The following ANKRD26 variants were observed in gnomAD, a reference collection of about 807,000 sequenced individuals.
ANKRD26 encodes ankyrin repeat domain-containing protein 26.
A neutral mutation model predicts 208.7 loss-of-function variants in ANKRD26; 141 were observed. That is an observed-to-expected ratio of 0.68 (90% CI 0.59 to 0.78). The LOEUF is 0.78. Among genes scored for constraint, ANKRD26 ranks in the 30% least tolerant of loss-of-function variants. The pLI is 0.00. For synonymous variants in ANKRD26, 636 were observed against 660.4 expected (o/e 0.96, Z 0.57); for missense variants, 1,889 against 1,938.7 (o/e 0.97, Z 0.48).
At chr10:27,000,205 G>A (rs906529793), downstream of ANKRD26, among the ~76,000 whole-genome samples, 1 of 152,198 alleles carries the variant, frequency 6.6e-6, no homozygotes, top group African/African-American at 2.4e-5. Flanking sequence ...CTGACCCACA[G>A]AAACCGAGAG....
At chr10:26,953,993 T>C in the ANKRD26 span, among the ~76,000 whole-genome samples, 1 of 152,246 alleles carries the variant, frequency 6.6e-6, no homozygotes, top group African/African-American at 2.4e-5. Flanking sequence ...ATCTAGTTAA[T>C]TCCACACAGA....
At chr10:27,014,756 G>A (rs1217309259) in intron 30 of ANKRD26, 45 bp from the exon 31 acceptor site, 2 of 1,513,374 alleles carry the variant, frequency 1.3e-6, no homozygotes, top group Non-Finnish European at 1.8e-6. Context: ...TATAACCTGA[G>A]TAAGACCATG....
At chr10:26,958,922 A>C in the ANKRD26 span, among the ~76,000 whole-genome samples, 1 of 152,178 alleles carries the variant, frequency 6.6e-6, no homozygotes, top group East Asian at 1.9e-4. Flanking sequence ...TGACACTTTC[A>C]CCAGCAGTGT....
At chr10:27,061,559 ATTTTT>A (rs11399797) in intron 12 of ANKRD26, among the ~76,000 whole-genome samples, 1 of 134,228 alleles carries the variant, frequency 7.5e-6, no homozygotes, top group African/African-American at 2.8e-5. Context: ...TGCAACATCT[ATTTTT>A]TTTTTTTTTT....
downstream of ANKRD26, among the ~76,000 whole-genome samples, chr10:26,988,233 C>T (rs1003271498): frequency 6.6e-6 from 1 of 152,142 alleles, no homozygotes; most frequent in South Asian, 2.1e-4. Flanking sequence ...TAGTGATGGA[C>T]ATTGGGAAAG....
At chr10:27,092,597 C>A (rs549200042) in intron 3 of ANKRD26, 85 bp from the exon 4 acceptor site, 2 of 987,444 alleles carry the variant, frequency 2.0e-6, no homozygotes, top group East Asian at 2.5e-5. Context: ...ATCCTTTGAA[C>A]TGAAACATAT....
Position 27,064,006 on chromosome 10 carries a change from C to T in ANKRD26, c.1345G>A (p.Gly449Arg), listed in dbSNP as rs1429884609. 1 of 1,609,422 alleles carries T rather than the reference C, an allele frequency of 6.2e-7. No homozygotes were observed. The highest frequency in any genetic ancestry group is 8.5e-7 in the Non-Finnish European group (1 of 1,178,368). ...GAADGKEKNI[G>R]NEQAEDVFYI... ...CTCTTACCTTCTGCTTGTTCATTTC[C>T]TATATTTTTTTCTTTTCCGTCTGCA... Residue 449 changes from glycine (G) to arginine (R), a missense_variant, in exon 12 of 34, where the codon GGA (glycine) becomes AGA (arginine). By Grantham distance (125) the Gly-to-Arg change is moderately radical. Around this residue, in one of 3 missense-constraint regions of ANKRD26, gnomAD observed 1,272 missense variants for 1,273.8 expected, o/e 1.00. Transcript: ENST00000376087.
downstream of ANKRD26, among the ~76,000 whole-genome samples, chr10:27,001,643 T>C (rs1482731718): frequency 6.6e-6 from 1 of 152,228 alleles, no homozygotes; most frequent in Non-Finnish European, 1.5e-5. Flanking sequence ...ATTATGCAGA[T>C]GGGTTCTCTG....
rs576070014 is a variant in ANKRD26 at position 27,081,927 on chromosome 10, A to G, written c.740+876T>C. Among the ~76,000 whole-genome samples the G allele has an allele frequency of 1.9e-3, 291 of 152,010 alleles. 2 individuals carry two copies. Among genetic ancestry groups the G allele is most frequent in the South Asian group, 4.2e-3 (20 of 4,804 alleles). ...AATTCTTTGTATTTTTAGTAGAGAC[A>G]GGGTTTCACCGTGTTAGCCAGGCTG... On this transcript the variant is annotated intron_variant, in intron 6 of 33. Coordinates refer to ENST00000376087, the MANE Select transcript of ANKRD26 (RefSeq NM_014915.3).
rs771669824 is a variant in ANKRD26, at chr10:27,100,147, C to T, written c.180G>A (p.Ala60=). The change falls in exon 1 of 34, where the codon GCG becomes GCA. Residue 60 remains alanine (A), a synonymous_variant. Transcript: ENST00000376087. The part of the protein sequence containing the change: ...IHKAASAGNV[A]KVQQILLLRK... ...TGAGCAAAAGGATCTGCTGCACTTT[C>T]GCCACATTACCCGCGCTGGCAGCTT... The T allele has an allele frequency of 5.0e-6, 8 of 1,614,168 alleles. No homozygotes were observed. The East Asian group carries it at 1.8e-4, about 36-fold the overall frequency.
chr10:27,067,065 C>T, intron 10 of ANKRD26, 92 bp downstream of exon 10: 2 of 1,475,142 alleles, frequency 1.4e-6, no homozygotes, highest in Non-Finnish European at 9.3e-7. Flanking sequence ...CCTCAGCCTC[C>T]CAAAGTGCTG....
chr10:26,978,935 C>A (rs548630422), intron 5 of ANKRD26, among the ~76,000 whole-genome samples: 8 of 152,006 alleles, frequency 5.3e-5, no homozygotes, highest in African/African-American at 1.7e-4. Context: ...GAAATAAAAC[C>A]AAAAGGGCCG....
At position 27,029,290 on chromosome 10, in the gene ANKRD26, G is replaced by A; in HGVS notation, c.3874C>T (p.Gln1292Ter). 1 of 1,610,718 alleles carries A rather than the reference G, an allele frequency of 6.2e-7. No homozygotes were observed. Reference protein sequence around the residue: ...RCAEKMQDHKQKLEKDNAKLK... With the variant: ...RCAEKMQDHK ...GTGTGCTGCTTTAAATTTTACTTTT[G>A]CTTGTGATCTTGCATCTTCTCAGCA... is the stretch of plus-strand genomic sequence containing the variant. Residue 1292 changes from glutamine (Q) to a stop codon, truncating the protein, a stop_gained, in exon 26 of 34, where the codon CAA becomes TAA. Transcript: ENST00000376087. LOFTEE classifies it high-confidence loss of function.
chr10:27,071,396 G>A (rs2055490629), intron 9 of ANKRD26, among the ~76,000 whole-genome samples: 1 of 150,436 alleles, frequency 6.6e-6, no homozygotes, highest in Admixed American at 6.6e-5. Context: ...GGATGGTCTC[G>A]ATCTCCTGAC....
intron 5 of ANKRD26, among the ~76,000 whole-genome samples, chr10:26,978,695 T>C (rs985898724): frequency 6.6e-6 from 1 of 152,170 alleles, no homozygotes; most frequent in African/African-American, 2.4e-5. Context: ...GGAAATGTAA[T>C]GCTCTGGCCC....
chr10:27,023,650 G>C (rs1026037961), intron 28 of ANKRD26, among the ~76,000 whole-genome samples: 2 of 152,014 alleles, frequency 1.3e-5, no homozygotes, highest in Non-Finnish European at 2.9e-5. Flanking sequence ...CTAGCACAAC[G>C]TTAACAAAGT....
the ANKRD26 span, among the ~76,000 whole-genome samples, chr10:26,949,346 C>A: frequency 6.6e-6 from 1 of 151,988 alleles, no homozygotes; most frequent in African/African-American, 2.4e-5. Context: ...GTTTGCATCT[C>A]TAAATATTAA....
intron 3 of ANKRD26, among the ~76,000 whole-genome samples, chr10:26,986,792 G>A (rs923973556): frequency 3.3e-5 from 5 of 152,262 alleles, no homozygotes; most frequent in African/African-American, 9.6e-5. Flanking sequence ...AGGTGCTGGA[G>A]AGGATGTGGA....
At chr10:27,082,025 C>T (rs141136339) in intron 6 of ANKRD26, among the ~76,000 whole-genome samples, 13,653 of 144,364 alleles carry the variant, frequency 0.095, 2,183 homozygotes, top group African/African-American at 0.33. Context: ...TGTGAGCCAC[C>T]ACGCCCAGCC....
Sources: gnomAD v4.1 joint callset for allele counts (sites outside exome capture counted in the v4.1 genomes callset) on GRCh38, gnomAD v4.1.1 for gene constraint, gnomAD v4.1.1 regional missense constraint, MANE v1.5 for transcripts, NCBI Gene and HGNC (gene_info 2026-07-23, HGNC 2026-07-21) for gene names.